NSD2: variants seen among roughly 807,000 people sequenced by gnomAD.
NSD2 encodes the protein nuclear receptor binding SET domain protein 2.
Under a neutral mutation model 139.0 loss-of-function variants are expected in NSD2, and 12 were observed. The ratio of observed to expected loss-of-function variants is 0.09; its 90% CI spans 0.06 to 0.14. The LOEUF (loss-of-function observed/expected upper bound fraction) is 0.14. Ranked by LOEUF, NSD2 falls within the 10% of genes least tolerant of loss-of-function variation. NSD2 has a pLI of 1.00. For synonymous variants in NSD2, 669 were observed against 648.7 expected (o/e 1.03, Z -0.48); for missense variants, 1,155 against 1,745.0 (o/e 0.66, Z 6.02).
chr4:1,912,519 T>C (rs1233432071), intron 3 of NSD2, among the ~76,000 whole-genome samples: 1 of 152,176 alleles, frequency 6.6e-6, no homozygotes, highest in Non-Finnish European at 1.5e-5. Flanking sequence ...ATGTTGTCCA[T>C]ACAGCCTTAA....
intron 5 of NSD2, among the ~76,000 whole-genome samples, chr4:1,929,443 C>A (rs955648744): frequency 6.6e-6 from 1 of 152,118 alleles, no homozygotes; most frequent in African/African-American, 2.4e-5. Flanking sequence ...CCTTCACTTG[C>A]CGAAGTCCAC....
At chr4:1,878,674 T>C (rs1333655812) in intron 1 of NSD2, among the ~76,000 whole-genome samples, 2 of 152,122 alleles carry the variant, frequency 1.3e-5, no homozygotes, top group Admixed American at 6.6e-5. Flanking sequence ...GCATAATATG[T>C]CCCAGAAATG....
chr4:1,885,558 G>T (rs1715023391), intron 1 of NSD2, among the ~76,000 whole-genome samples: 1 of 152,160 alleles, frequency 6.6e-6, no homozygotes, highest in African/African-American at 2.4e-5. Flanking sequence ...CCTTGTCCTT[G>T]CTCTGCATTT....
intron 5 of NSD2, among the ~76,000 whole-genome samples, chr4:1,928,882 G>GT (rs1326130370): frequency 6.6e-6 from 1 of 152,132 alleles, no homozygotes; most frequent in African/African-American, 2.4e-5. Flanking sequence ...AGCTTGAAGA[G>GT]TTGGGAGTGA....
At chr4:1,881,145 C>G (rs1015694728) in intron 1 of NSD2, among the ~76,000 whole-genome samples, 5 of 152,004 alleles carry the variant, frequency 3.3e-5, no homozygotes, top group African/African-American at 1.2e-4. Context: ...TGGGTTCTAA[C>G]TTTTTTTTGA....
chr4:1,913,581 A>G (rs1217497014), intron 3 of NSD2, among the ~76,000 whole-genome samples: 7 of 152,258 alleles, frequency 4.6e-5, no homozygotes, highest in Admixed American at 6.5e-5. Flanking sequence ...TGCATAGAAG[A>G]AATAATGTAA....
intron 1 of NSD2, among the ~76,000 whole-genome samples, chr4:1,874,738 G>A (rs1332506372): frequency 6.6e-6 from 1 of 152,002 alleles, no homozygotes; most frequent in Non-Finnish European, 1.5e-5. Flanking sequence ...AATCTACCTC[G>A]TCAATTTCTC....
intron 1 of NSD2, among the ~76,000 whole-genome samples, chr4:1,873,489 C>T (rs918444426): frequency 2.6e-5 from 4 of 152,192 alleles, no homozygotes; most frequent in African/African-American, 9.7e-5. Flanking sequence ...CCAGGGCTTT[C>T]AAACCAGTAC....
At chr4:1,930,493 A>C (rs1286073175) in intron 5 of NSD2, 133 bp from the exon 6 acceptor site, 1 of 936,210 alleles carries the variant, frequency 1.1e-6, no homozygotes, top group African/African-American at 1.7e-5. Flanking sequence ...TTTTATGGAC[A>C]TAGTTCCACG....
At chr4:1,951,051 A>G (rs1724169328) in intron 9 of NSD2, 21 bp from the exon 10 acceptor site, 14 of 1,613,602 alleles carry the variant, frequency 8.7e-6, no homozygotes, top group Non-Finnish European at 1.1e-5. Context: ...GTGAACTGTC[A>G]TCCGCCTCCT....
At chr4:1,932,214 A>T (rs747631291) in intron 6 of NSD2, among the ~76,000 whole-genome samples, 1 of 152,052 alleles carries the variant, frequency 6.6e-6, no homozygotes. Flanking sequence ...AGGTGGGTGG[A>T]TCACTTGAGG....
intron 3 of NSD2, among the ~76,000 whole-genome samples, chr4:1,915,894 C>A (rs1719324095): frequency 6.6e-6 from 1 of 152,200 alleles, no homozygotes; most frequent in Non-Finnish European, 1.5e-5. Flanking sequence ...CCTCCCTCCT[C>A]TCACCTGGCA....
At chr4:1,894,068 GTAGCTTCTAGGAC>G (rs1223323976) in intron 1 of NSD2, among the ~76,000 whole-genome samples, 1 of 152,184 alleles carries the variant, frequency 6.6e-6, no homozygotes, top group Non-Finnish European at 1.5e-5. Context: ...GAAGCTAGGA[GTAGCTTCTAGGAC>G]TAGCTTCTAG....
Position 1,976,757 on chromosome 4 carries a change from T to A in NSD2, c.3826+78T>A. ...TGATGGCGGCTGCTGCCGCTCTTCC[T>A]GCTGACCGGGCCTCATCTGGGTGCA... On this transcript the variant is annotated intron_variant, in intron 21 of 21. Transcript: ENST00000508803. The surrounding 1 kb of genome is among the most constrained non-coding windows in gnomAD (Gnocchi z 5.3). 1 of 1,455,638 alleles carries A rather than the reference T, an allele frequency of 6.9e-7. No homozygotes were observed. 90.2% of individuals were successfully genotyped at this position (1,455,638 alleles called of 1,614,324 possible). A position where few individuals can be genotyped will look rare whatever the true frequency, so the allele number is the denominator to read the frequency against.
intron 2 of NSD2, among the ~76,000 whole-genome samples, chr4:1,903,166 C>T (rs557880288): frequency 6.6e-6 from 1 of 152,310 alleles, no homozygotes; most frequent in African/African-American, 2.4e-5. Context: ...GGGCCGGCCT[C>T]TTCAGCTTAC....
intron 1 of NSD2, among the ~76,000 whole-genome samples, chr4:1,875,866 G>A (rs1412695050): frequency 2.0e-5 from 3 of 150,714 alleles, no homozygotes; most frequent in Non-Finnish European, 4.4e-5. Context: ...CCAAGACTGC[G>A]CCACTGCACT....
At position 1,951,443 on chromosome 4, in the gene NSD2, T is replaced by TCCACACACACACAC. The variant is rs1310266241; in HGVS notation, c.2013+240_2013+241insCCACACACACACAC. ...TGAGATTTGTATACACATCATGTAA[T>TCCACACACACACAC]ACACACACACACACACACACACACA... On this transcript the variant is annotated intron_variant, in intron 10 of 21. Coordinates refer to ENST00000508803, the MANE Select transcript of NSD2 (RefSeq NM_001042424.3). 2.9e-4 allele frequency among the ~76,000 whole-genome samples: 29 copies of TCCACACACACACAC among 101,082 alleles called. 10 individuals are homozygous for TCCACACACACACAC. The highest frequency in any genetic ancestry group is 7.1e-4 in the African/African-American group (18 of 25,212). The allele number at this position is 101,082 out of a possible 152,430, so 66.3% of individuals were successfully genotyped here.
In NSD2 at chr4:1,970,717, G is replaced by A. The variant is rs377444728; in HGVS notation, c.3373-4146G>A. ...GCTACTGATGAGAGCTGGGCTCTAGGGGCGGTTGAGGGAGGGGGTCCAGGC... is the reference window on the plus strand; with the variant it reads ...GCTACTGATGAGAGCTGGGCTCTAGAGGCGGTTGAGGGAGGGGGTCCAGGC... On this transcript the variant is annotated intron_variant, in intron 18 of 21. Coordinates refer to ENST00000508803, the MANE Select transcript of NSD2 (RefSeq NM_001042424.3). Among the ~76,000 whole-genome samples the A allele has an allele frequency of 1.4e-4, 21 of 152,314 alleles. No homozygotes were observed. The East Asian group carries it at 3.5e-3, about 25-fold the overall frequency.
chr4:1,878,608 A>G (rs1163825475), intron 1 of NSD2, among the ~76,000 whole-genome samples: 1 of 152,090 alleles, frequency 6.6e-6, no homozygotes, highest in Non-Finnish European at 1.5e-5. Flanking sequence ...ACTGTCAGGC[A>G]TTCAGTGACT....
Sources: allele counts gnomAD v4.1 joint callset (sites outside exome capture counted in the v4.1 genomes callset), GRCh38; gene constraint gnomAD v4.1.1; non-coding constraint Gnocchi (gnomAD v3.1); transcripts MANE v1.5; gene names NCBI Gene and HGNC (gene_info 2026-07-23, HGNC 2026-07-21).